Variants in EXD3 observed in about 807,000 individuals in gnomAD.
EXD3 encodes the protein exonuclease 3'-5' domain containing 3, also known as exonuclease mut-7 homolog.
A neutral mutation model predicts 98.0 loss-of-function variants in EXD3; 92 were observed. The ratio of observed to expected loss-of-function variants is 0.94; its 90% CI spans 0.79 to 1.12. The LOEUF is 1.12. Ranked by LOEUF, EXD3 falls within the 50% of genes most tolerant of loss-of-function variation. EXD3 has a pLI of 0.00. For synonymous variants in EXD3, 569 were observed against 526.0 expected, an observed-to-expected ratio of 1.08 and a Z score of -1.12; for missense variants, 1,222 against 1,191.6, an observed-to-expected ratio of 1.03 and a Z score of -0.38.
chr9:137,397,497 C>A (rs999080637), intron 1 of EXD3, among the ~76,000 whole-genome samples: 1 of 152,102 alleles, frequency 6.6e-6, no homozygotes, highest in East Asian at 1.9e-4. Context: ...AAACTCAGCA[C>A]GTAATAAAAA....
intron 9 of EXD3, 122 bp from the exon 10 acceptor site, chr9:137,354,499 G>A (rs900997567): frequency 6.9e-5 from 107 of 1,548,516 alleles, no homozygotes; most frequent in South Asian, 3.9e-4. Context: ...GTGCTCACCC[G>A]CCCTGGTGCC....
chr9:137,396,060 C>T lies in EXD3; in HGVS notation c.-47-656G>A, dbSNP rs964451947. ...TCAGCTCACTGCAACCTCCGCCTTC[C>T]GGGTTCAAGCGATTCTCCTGCCTCA... On this transcript the variant is annotated intron_variant, in intron 1 of 21. Transcript: ENST00000340951. 3.9e-4 allele frequency among the ~76,000 whole-genome samples: 59 copies of T among 152,028 alleles called. 1 individual carries two copies. The highest frequency in any genetic ancestry group is 1.0e-3 in the African/African-American group (43 of 41,476).
intron 19 of EXD3, among the ~76,000 whole-genome samples, chr9:137,321,090 A>G (rs1199784519): frequency 6.6e-6 from 1 of 152,218 alleles, no homozygotes; most frequent in Non-Finnish European, 1.5e-5. Context: ...TGGGAGGTCC[A>G]GGGGCCTGTG....
At chr9:137,327,148 T>C (rs1832454340) in intron 17 of EXD3, among the ~76,000 whole-genome samples, 1 of 151,598 alleles carries the variant, frequency 6.6e-6, no homozygotes, top group Admixed American at 6.6e-5. Flanking sequence ...TTTTTTTTTT[T>C]TTTGAGACAG....
At chr9:137,409,537 C>T (rs527746505) in intron 1 of EXD3, among the ~76,000 whole-genome samples, 2 of 151,850 alleles carry the variant, frequency 1.3e-5, no homozygotes, top group Non-Finnish European at 2.9e-5. Flanking sequence ...GGTAACATAG[C>T]GAGACTCTGT....
At chr9:137,373,684 A>G in intron 3 of EXD3, 85 bp from the exon 4 acceptor site, 1 of 1,396,604 alleles carries the variant, frequency 7.2e-7, no homozygotes, top group Non-Finnish European at 9.6e-7. Context: ...GAGGTTTTTT[A>G]AAATTTAATC....
chr9:137,369,243 G>A (rs966214498), intron 5 of EXD3, among the ~76,000 whole-genome samples: 3 of 151,838 alleles, frequency 2.0e-5, no homozygotes, highest in East Asian at 1.9e-4. Flanking sequence ...GTGGGCTTAC[G>A]GCTGTGAGCA....
chr9:137,396,059 C>G (rs1243505292), intron 1 of EXD3, among the ~76,000 whole-genome samples: 1 of 151,672 alleles, frequency 6.6e-6, no homozygotes, highest in Non-Finnish European at 1.5e-5. Flanking sequence ...CCTCCGCCTT[C>G]CGGGTTCAAG....
At chr9:137,358,934 C>T (rs1270513846) in intron 7 of EXD3, among the ~76,000 whole-genome samples, 1 of 151,086 alleles carries the variant, frequency 6.6e-6, no homozygotes, top group Non-Finnish European at 1.5e-5. Flanking sequence ...GATCCTCCCA[C>T]TGCACCTGGC....
chr9:137,328,748 G>A (rs1398190188), intron 17 of EXD3, among the ~76,000 whole-genome samples: 1 of 35,444 alleles, frequency 2.8e-5, no homozygotes, highest in African/African-American at 1.6e-4. Context: ...GGGGCTACAC[G>A]GGACTACACG....
At chr9:137,357,624 T>C (rs1588342757) in intron 7 of EXD3, among the ~76,000 whole-genome samples, 1 of 151,990 alleles carries the variant, frequency 6.6e-6, no homozygotes, top group East Asian at 1.9e-4. Flanking sequence ...TTTGTGCTTT[T>C]AAGGTTTCTT....
intron 2 of EXD3, among the ~76,000 whole-genome samples, chr9:137,394,445 GCCCGGCCT>G (rs1837101048): frequency 1.2e-5 from 1 of 81,992 alleles, no homozygotes; most frequent in Admixed American, 1.4e-4. Flanking sequence ...GCTTCCCTAA[GCCCGGCCT>G]CCCAGCCTCC....
intron 3 of EXD3, chr9:137,377,025 C>T (rs545348109): frequency 6.6e-6 from 1 of 152,112 alleles, no homozygotes; most frequent in African/African-American, 2.4e-5. Context: ...CTCAAGCCAG[C>T]TACGGAATAA....
intron 5 of EXD3, 27 bp downstream of exon 5, chr9:137,372,878 A>G (rs760871294): frequency 6.3e-7 from 1 of 1,595,656 alleles, no homozygotes; most frequent in South Asian, 1.1e-5. Context: ...CCGTTTCCCC[A>G]TGAGCCCGGC....
chr9:137,390,119 CA>C (rs34716316), intron 2 of EXD3, among the ~76,000 whole-genome samples: 135 of 23,362 alleles, frequency 5.8e-3, no homozygotes, highest in Admixed American at 0.031. Context: ...GAGACTCTGT[CA>C]AAAAAAAAAA....
chr9:137,372,843 C>T (rs771774917), intron 5 of EXD3, 62 bp downstream of exon 5: 52 of 1,548,648 alleles, frequency 3.4e-5, no homozygotes, highest in Middle Eastern at 2.3e-4. Flanking sequence ...GAGCCAGGCG[C>T]GTCCTTGCCC....
At chr9:137,386,033 C>T (rs535298838) in intron 2 of EXD3, among the ~76,000 whole-genome samples, 2 of 152,138 alleles carry the variant, frequency 1.3e-5, no homozygotes, top group Admixed American at 1.3e-4. Flanking sequence ...AGGTGGCTTA[C>T]ACTTGTAATC....
chr9:137,413,985 C>T (rs1378539704), intron 1 of EXD3, among the ~76,000 whole-genome samples: 3 of 148,824 alleles, frequency 2.0e-5, no homozygotes, highest in East Asian at 2.0e-4. Flanking sequence ...GGTGCCATCT[C>T]GGCTCACTGC....
intron 2 of EXD3, among the ~76,000 whole-genome samples, chr9:137,387,921 C>T (rs927617125): frequency 2.0e-5 from 3 of 152,188 alleles, no homozygotes; most frequent in African/African-American, 7.2e-5. Flanking sequence ...AGTGCTGCAC[C>T]GATGCCTGGG....
Sources: gnomAD v4.1 joint callset for allele counts (sites outside exome capture counted in the v4.1 genomes callset) on GRCh38, gnomAD v4.1.1 for gene constraint, MANE v1.5 for transcripts, NCBI Gene and HGNC (gene_info 2026-07-23, HGNC 2026-07-21) for gene names.